Variants in TLE2 observed in about 807,000 individuals in gnomAD.
TLE2 encodes transducin-like enhancer protein 2.
Under a neutral mutation model 97.2 loss-of-function variants are expected in TLE2, and 74 were observed. The observed-to-expected ratio is 0.76, with a 90% CI of 0.63 to 0.92. The LOEUF (loss-of-function observed/expected upper bound fraction) is 0.92. TLE2 is among the 40% of genes least tolerant of loss of function. The pLI is 0.00. For missense variants in TLE2, 1,038 were observed against 1,008.7 expected (o/e 1.03, Z -0.39); for synonymous variants, 499 against 432.1 (o/e 1.15, Z -1.92).
Position 3,000,706 on chromosome 19 carries a change from T to C in TLE2, c.2065A>G (p.Thr689Ala). 6.3e-7 allele frequency: 1 copy of C among 1,591,198 alleles called. No individual in the cohort carries two copies. Among genetic ancestry groups the C allele is most frequent in the Non-Finnish European group, 8.6e-7 (1 of 1,169,248 alleles). Residue 689 changes from threonine to alanine, a missense_variant, in exon 19 of 20, where the codon ACC becomes GCC. Coordinates refer to ENST00000262953, the MANE Select transcript of TLE2 (RefSeq NM_003260.5). ...FASCGRWFVS[T>A]GKDNLLNAWR... The stretch of plus-strand genomic sequence containing the variant: ...GCGTTGAGCAGGTTGTCCTTCCCGG[T>C]GCTCACAAACCACCGTCCTTGGGGA...
intron 4 of TLE2, chr19:3,025,483 C>A (rs1371421854): frequency 9.8e-7 from 1 of 1,015,314 alleles, no homozygotes; most frequent in Non-Finnish European, 1.2e-6. Flanking sequence ...AGATTCCAGC[C>A]CCGGCTTGGC....
intron 1 of TLE2, among the ~76,000 whole-genome samples, chr19:3,038,661 A>T (rs2090078386): frequency 6.6e-6 from 1 of 152,220 alleles, no homozygotes; most frequent in Non-Finnish European, 1.5e-5. Context: ...TAATCCCAGC[A>T]CTTTGGGAGG....
chr19:3,024,408 A>G (rs927285690), intron 5 of TLE2, among the ~76,000 whole-genome samples: 1 of 151,752 alleles, frequency 6.6e-6, no homozygotes, highest in Non-Finnish European at 1.5e-5. Flanking sequence ...GAATTTTCCC[A>G]TCTTCCCAAA....
At chr19:3,005,672 C>A (rs1275380097) in intron 16 of TLE2, 49 bp downstream of exon 16, 6 of 1,606,520 alleles carry the variant, frequency 3.7e-6, no homozygotes, top group Non-Finnish European at 5.1e-6. Context: ...CCCCCTGCAC[C>A]GAGAGCGGCC....
In TLE2 at chr19:3,005,682, C is replaced by G. The variant is rs776077156; in HGVS notation, c.1748+39G>C. 6.2e-6 allele frequency: 10 copies of G among 1,607,642 alleles called. No homozygotes were observed. The Admixed American group carries it at 1.7e-4, about 27-fold the overall frequency. ...CCACTCCCCCTGCACCGAGAGCGGC[C>G]GGGGGCTTGCCCAAGGTCCCAGCGC... is the stretch of plus-strand genomic sequence containing the variant. On this transcript the variant is annotated intron_variant, in intron 16 of 19. Transcript: ENST00000262953.
upstream of TLE2, chr19:3,047,509 C>CCG (rs911218551): frequency 3.0e-5 from 1 of 33,124 alleles, no homozygotes; most frequent in African/African-American, 1.1e-4. Context: ...GGGCTTGTGA[C>CCG]CCCCCCCCAG....
intron 14 of TLE2, among the ~76,000 whole-genome samples, chr19:3,007,771 C>T (rs1054986124): frequency 6.6e-6 from 1 of 152,098 alleles, no homozygotes; most frequent in African/African-American, 2.4e-5. Context: ...AGTTAAAACA[C>T]TTAAATGAAC....
upstream of TLE2, among the ~76,000 whole-genome samples, chr19:3,046,862 C>G (rs949452250): frequency 6.6e-6 from 1 of 150,822 alleles, no homozygotes; most frequent in Non-Finnish European, 1.5e-5. Flanking sequence ...CTGCTCCCCT[C>G]TGGTCCCATC....
intron 8 of TLE2, 97 bp downstream of exon 8, chr19:3,017,743 T>A (rs2089743250): frequency 8.3e-7 from 1 of 1,209,972 alleles, no homozygotes; most frequent in Non-Finnish European, 1.2e-6. Flanking sequence ...TGAGCCACCA[T>A]GATCGACCTA....
At chr19:3,009,801 T>C (rs1340371618) in intron 12 of TLE2, 99 bp from the exon 13 acceptor site, 1 of 1,450,060 alleles carries the variant, frequency 6.9e-7, no homozygotes, top group African/African-American at 1.4e-5. Context: ...AGAGTTTCCA[T>C]GTGCTGGTTC....
rs1316078639 is a variant in TLE2, at chr19:3,029,212, C to T, written c.-308G>A. The T allele has an allele frequency of 2.1e-6, 1 of 467,228 alleles. No homozygotes were observed. Among genetic ancestry groups the T allele is most frequent in the East Asian group, 1.6e-4 (1 of 6,244 alleles). 28.9% of individuals were successfully genotyped at this position (467,228 alleles called of 1,614,324 possible). A position where few individuals can be genotyped will look rare whatever the true frequency, so the allele number is the denominator to read the frequency against. On this transcript the variant is annotated 5_prime_UTR_variant, in exon 1 of 20. Transcript: ENST00000262953. ...CGCAGAAGGTCGGGCGCGCCGCGGC[C>T]GGGTTTCGGTGGCGGCGGCGCGGGC...
Position 3,006,686 on chromosome 19 carries a change from G to C in TLE2, c.1251-17C>G, listed in dbSNP as rs1051788722. On this transcript the variant is annotated splice_polypyrimidine_tract_variant and intron_variant, in intron 14 of 19. Transcript: ENST00000262953. ...GAGTAGGCCCTGGAGAGAAAGCCGG[G>C]GCATGACCCAGCCCTGGGCACCACG... 6.4e-7 allele frequency: 1 copy of C among 1,572,994 alleles called. No individual in the cohort carries two copies. The highest frequency in any genetic ancestry group is 2.3e-5 in the East Asian group (1 of 44,372).
At chr19:3,018,353 G>A (rs765365112) in intron 7 of TLE2, among the ~76,000 whole-genome samples, 2 of 151,734 alleles carry the variant, frequency 1.3e-5, no homozygotes, top group African/African-American at 2.4e-5. Context: ...TGTCGCCCAG[G>A]CTGGACTTGG....
intron 8 of TLE2, among the ~76,000 whole-genome samples, chr19:3,017,547 C>T (rs938261669): frequency 1.3e-5 from 2 of 149,012 alleles, no homozygotes; most frequent in African/African-American, 5.0e-5. Context: ...GCCTTCTGGG[C>T]TCAAGTGATC....
chr19:3,000,928 C>T (rs1205965018), intron 18 of TLE2, among the ~76,000 whole-genome samples: 1 of 150,814 alleles, frequency 6.6e-6, no homozygotes, highest in African/African-American at 2.4e-5. Context: ...TGGACTCAAG[C>T]GCTCCTCCCA....
At chr19:3,012,786 A>C (rs2145152800) in intron 11 of TLE2, among the ~76,000 whole-genome samples, 3 of 152,146 alleles carry the variant, frequency 2.0e-5, no homozygotes, top group Admixed American at 2.0e-4. Context: ...CCTGCCTCCC[A>C]AGAAACTTCG....
intron 1 of TLE2, among the ~76,000 whole-genome samples, chr19:3,043,981 C>G (rs375810231): frequency 1.3e-5 from 2 of 151,752 alleles, no homozygotes; most frequent in East Asian, 3.9e-4. Context: ...AAGACTCTGT[C>G]TCAAAAACAA....
chr19:3,005,307 G>C (rs1222246534), intron 17 of TLE2, 130 bp downstream of exon 17: 73 of 1,293,226 alleles, frequency 5.6e-5, no homozygotes, highest in Non-Finnish European at 7.4e-5. Flanking sequence ...TGGGGGACAA[G>C]AAAGATGGAC....
chr19:3,041,696 G>A (rs1184893533), intron 1 of TLE2, among the ~76,000 whole-genome samples: 2 of 152,226 alleles, frequency 1.3e-5, no homozygotes, highest in Non-Finnish European at 2.9e-5. Flanking sequence ...CACGAGGGTC[G>A]AGAGGCGCTC....
Sources: allele counts gnomAD v4.1 joint callset (sites outside exome capture counted in the v4.1 genomes callset), GRCh38; gene constraint gnomAD v4.1.1; transcripts MANE v1.5; gene names NCBI Gene and HGNC (gene_info 2026-07-23, HGNC 2026-07-21).